RPS6KC1: variants seen among roughly 807,000 people sequenced by gnomAD.
RPS6KC1 encodes ribosomal protein S6 kinase C1.
RPS6KC1 carries 54 observed loss-of-function variants against 103.8 expected under a neutral mutation model. The observed-to-expected ratio is 0.52, with a 90% CI of 0.42 to 0.65. The LOEUF (loss-of-function observed/expected upper bound fraction) is 0.65, where lower values mean the gene tolerates loss of function less well. Among genes scored for constraint, RPS6KC1 ranks in the 30% least tolerant of loss-of-function variants. The pLI, the probability that RPS6KC1 is intolerant of heterozygous loss-of-function variation, is 0.00. For missense variants in RPS6KC1, 1,151 were observed against 1,253.8 expected (o/e 0.92, Z 1.24); for synonymous variants, 439 against 438.7 (o/e 1.00, Z -0.01).
chr1:213,573,030 C>T, the RPS6KC1 span, among the ~76,000 whole-genome samples: 1 of 152,132 alleles, frequency 6.6e-6, no homozygotes, highest in South Asian at 2.1e-4. Context: ...TTAGATGCAG[C>T]CTCCTGCTCT....
the RPS6KC1 span, among the ~76,000 whole-genome samples, chr1:213,697,029 T>G: frequency 6.6e-6 from 1 of 152,164 alleles, no homozygotes; most frequent in East Asian, 1.9e-4. Context: ...CTGCGCCCCC[T>G]CCTCAGGTTT....
intron 8 of RPS6KC1, among the ~76,000 whole-genome samples, chr1:213,198,242 G>C (rs2093027441): frequency 2.0e-5 from 3 of 152,150 alleles, no homozygotes; most frequent in Admixed American, 6.5e-5. Context: ...ATTCTTGGCT[G>C]ATAATTATTT....
chr1:213,729,641 T>A, the RPS6KC1 span, among the ~76,000 whole-genome samples: 2 of 152,318 alleles, frequency 1.3e-5, no homozygotes, highest in South Asian at 4.1e-4. Flanking sequence ...GAACAGATCA[T>A]GAAGTCCAGT....
chr1:213,142,411 C>A (rs1208799000), intron 6 of RPS6KC1, among the ~76,000 whole-genome samples: 2 of 151,996 alleles, frequency 1.3e-5, no homozygotes, highest in African/African-American at 4.8e-5. Flanking sequence ...CTAGTACGGT[C>A]TTTTGGATGT....
the RPS6KC1 span, among the ~76,000 whole-genome samples, chr1:213,511,891 G>C: frequency 6.6e-6 from 1 of 152,138 alleles, no homozygotes; most frequent in African/African-American, 2.4e-5. Context: ...TCGTTTTTAT[G>C]TTCAGTCTCT....
At chr1:213,315,031 T>G in the RPS6KC1 span, among the ~76,000 whole-genome samples, 1 of 152,090 alleles carries the variant, frequency 6.6e-6, no homozygotes, top group South Asian at 2.1e-4. Context: ...ACCAGGAAAA[T>G]CGGTAAAGTC....
the RPS6KC1 span, among the ~76,000 whole-genome samples, chr1:213,363,783 TTTCTTTC>T: frequency 1.1e-4 from 12 of 106,584 alleles, 2 homozygotes; most frequent in Admixed American, 7.2e-4. Flanking sequence ...TCTTTCTTTC[TTTCTTTC>T]TTTCTTTCTT....
chr1:213,363,684 T>C, the RPS6KC1 span, among the ~76,000 whole-genome samples: 6 of 104,742 alleles, frequency 5.7e-5, no homozygotes, highest in African/African-American at 1.6e-4. Context: ...CTTTCTTTCT[T>C]TCTTTCTTTC....
chr1:213,768,701 T>G, the RPS6KC1 span, among the ~76,000 whole-genome samples: 1 of 152,214 alleles, frequency 6.6e-6, no homozygotes, highest in Non-Finnish European at 1.5e-5. Flanking sequence ...GGCATAAAAC[T>G]TTATTGAATA....
At chr1:213,398,977 G>A in the RPS6KC1 span, among the ~76,000 whole-genome samples, 1,648 of 152,126 alleles carry the variant, frequency 0.011, 34 homozygotes, top group African/African-American at 0.037. Flanking sequence ...GGTTATATAT[G>A]GCTATACATT....
At chr1:213,055,243 C>T (rs1327391096) in intron 1 of RPS6KC1, among the ~76,000 whole-genome samples, 1 of 152,164 alleles carries the variant, frequency 6.6e-6, no homozygotes, top group Non-Finnish European at 1.5e-5. Flanking sequence ...TATCTCTAGG[C>T]AACCACTGGT....
the RPS6KC1 span, among the ~76,000 whole-genome samples, chr1:213,804,215 A>C: frequency 6.7e-6 from 1 of 149,524 alleles, no homozygotes; most frequent in African/African-American, 2.5e-5. Context: ...TTTCTCCTGG[A>C]ATATTTTCAG....
At chr1:213,500,757 G>T in the RPS6KC1 span, among the ~76,000 whole-genome samples, 1 of 152,118 alleles carries the variant, frequency 6.6e-6, no homozygotes, top group Non-Finnish European at 1.5e-5. Context: ...TGTGGTGCGT[G>T]ACTGCATTTT....
At chr1:213,547,404 A>G in the RPS6KC1 span, among the ~76,000 whole-genome samples, 1 of 152,254 alleles carries the variant, frequency 6.6e-6, no homozygotes. Flanking sequence ...AGAAACTCTT[A>G]TACAATGCTA....
the RPS6KC1 span, among the ~76,000 whole-genome samples, chr1:213,422,562 T>C: frequency 2.0e-5 from 3 of 152,374 alleles, no homozygotes; most frequent in East Asian, 5.8e-4. Flanking sequence ...TAAGGGTTGA[T>C]TATAGTATCT....
At chr1:213,819,526 A>G in the RPS6KC1 span, 67 of 152,358 alleles carry the variant, frequency 4.4e-4, no homozygotes, top group African/African-American at 1.6e-3. Flanking sequence ...TGAGACTGCA[A>G]CAGAGGCATA....
the RPS6KC1 span, among the ~76,000 whole-genome samples, chr1:213,761,616 A>T: frequency 6.6e-6 from 1 of 152,270 alleles, no homozygotes; most frequent in Non-Finnish European, 1.5e-5. Context: ...GCGGACAGGC[A>T]AATGGCTTCT....
chr1:213,088,657 C>G (rs920502558), intron 3 of RPS6KC1, among the ~76,000 whole-genome samples: 9 of 152,192 alleles, frequency 5.9e-5, no homozygotes, highest in African/African-American at 2.2e-4. Flanking sequence ...GCCACTGCGC[C>G]TGGCCTCATG....
chr1:213,143,245 C>G (rs961818414), intron 6 of RPS6KC1, among the ~76,000 whole-genome samples: 1 of 151,940 alleles, frequency 6.6e-6, no homozygotes, highest in Non-Finnish European at 1.5e-5. Context: ...AGAAATTTGT[C>G]TGTTTCACAT....
Sources: allele counts gnomAD v4.1 joint callset (sites outside exome capture counted in the v4.1 genomes callset), GRCh38; gene constraint gnomAD v4.1.1; transcripts MANE v1.5; gene names NCBI Gene and HGNC (gene_info 2026-07-23, HGNC 2026-07-21).